Variants in INTS5 observed in about 807,000 individuals in gnomAD.
INTS5 encodes KIAA1698.
INTS5 carries 29 observed loss-of-function variants against 60.0 expected under a neutral mutation model. The observed-to-expected ratio is 0.48, with a 90% CI of 0.36 to 0.66. INTS5 has a LOEUF of 0.66. Ranked by LOEUF, INTS5 falls within the 30% of genes least tolerant of loss-of-function variation. The pLI is 0.00. For missense variants in INTS5, 1,129 were observed against 1,307.9 expected (o/e 0.86, Z 2.11); for synonymous variants, 588 against 558.8 (o/e 1.05, Z -0.74).
rs757998978 is a variant in INTS5 at position 62,647,611 on chromosome 11, A to C, written c.2469T>G (p.Asp823Glu). 1 of 1,614,004 alleles carries C rather than the reference A, an allele frequency of 6.2e-7. No individual in the cohort carries two copies. The highest frequency in any genetic ancestry group is 1.1e-5 in the South Asian group (1 of 91,090). ...GCCAGGCCAGCTCTGCACCAGCTGC[A>C]TCGGGACACACACTCTCCACCAAGG... ...AVTLVESVCPDAAGAELAWPP... is the reference protein window; with the variant it reads ...AVTLVESVCPEAAGAELAWPP... Residue 823 changes from aspartate (D) to glutamate (E), a missense_variant, in exon 2 of 2, where the codon GAT becomes GAG. Asp to Glu is a conservative substitution (Grantham distance 45). Around this residue, in one of 3 missense-constraint regions of INTS5, gnomAD observed 1,070 missense variants for 1,246.1 expected, o/e 0.86. Transcript: ENST00000330574.
Position 62,647,662 on chromosome 11 carries a change from TGGACTCAAGATG to T in INTS5, c.2406_2417del (p.Ile803_Pro806del). 6.2e-7 allele frequency: 1 copy of T among 1,614,106 alleles called. No homozygotes were observed. The highest frequency in any genetic ancestry group is 8.5e-7 in the Non-Finnish European group (1 of 1,180,040). ...TCACTGCCACTGCTTTGGCTGCCTC[TGGACTCAAGATG>T]GGTGCCCCCCAGCATTCCCCACATT... On this transcript the variant is annotated inframe_deletion, in exon 2 of 2. Coordinates refer to ENST00000330574, the MANE Select transcript of INTS5 (RefSeq NM_030628.2).
rs770293599 is a variant in INTS5, at chr11:62,649,889, C to T, written c.191G>A (p.Arg64His). The change falls in exon 2 of 2, where the codon CGT (arginine) becomes CAT (histidine). Residue 64 changes from arginine to histidine, a missense_variant. By Grantham distance (29) the Arg-to-His change is conservative (BLOSUM62 0). Transcript: ENST00000330574. The surrounding 1 kb of genome is among the most constrained non-coding windows in gnomAD (Gnocchi z 6.0). ...AGCAGCCCGAGCAGGTGGCAAAGAA[C>T]GGAGCAGGAGAAGACCACAGCGAGC... ...EHARCGLLLLRSLPPARAAVL... is the reference protein window; with the variant it reads ...EHARCGLLLLHSLPPARAAVL... 3.7e-6 allele frequency: 6 copies of T among 1,614,046 alleles called. No individual in the cohort carries two copies. Among genetic ancestry groups the T allele is most frequent in the South Asian group, 1.1e-5 (1 of 91,088 alleles).
chr11:62,646,885 A>G lies in INTS5; in HGVS notation c.*135T>C. On this transcript the variant is annotated 3_prime_UTR_variant, in exon 2 of 2. Coordinates refer to ENST00000330574, the MANE Select transcript of INTS5 (RefSeq NM_030628.2). ...GTTGGCAAATTTTATTTAGAAAAAA[A>G]AAAGTGGGAGAGAAAAAAGTGACAG... is the stretch of plus-strand genomic sequence containing the variant. 2 of 842,318 alleles carry G rather than the reference A, an allele frequency of 2.4e-6. No homozygotes were observed. The highest frequency in any genetic ancestry group is 3.6e-5 in the South Asian group (2 of 55,104). The allele number at this position is 842,318 out of a possible 1,614,324, so 52.2% of individuals were successfully genotyped here. A position where few individuals can be genotyped will look rare whatever the true frequency, so the allele number is the denominator to read the frequency against.
Position 62,647,821 on chromosome 11 carries a change from G to T in INTS5, c.2259C>A (p.Val753=). The change falls in exon 2 of 2, where the codon GTC becomes GTA. Residue 753 remains valine (V), a synonymous_variant. Coordinates refer to ENST00000330574, the MANE Select transcript of INTS5 (RefSeq NM_030628.2). ...TGGGTGGCTTTAAGCCACGGCCGAT[G>T]ACTCCAGCATGGAAAACTGACCAAA... ...GGIWSVFHAG[V]IGRGLKPPKF... The T allele has an allele frequency of 6.2e-7, 1 of 1,614,214 alleles. No individual in the cohort carries two copies. Among genetic ancestry groups the T allele is most frequent in the South Asian group, 1.1e-5 (1 of 91,068 alleles).
chr11:62,647,357 C>A lies in INTS5; in HGVS notation c.2723G>T (p.Cys908Phe), dbSNP rs769588322. ...CTCAGCCATGACAGCCACTAAGGTG[C>A]AGGATGCCTCCAGGTGCCAGGGGGA... is the stretch of plus-strand genomic sequence containing the variant. Reference protein sequence around the residue: ...THSPWHLEASCTLVAVMAEGS... With the variant: ...THSPWHLEASFTLVAVMAEGS... Residue 908 changes from cysteine (C) to phenylalanine (F), a missense_variant, in exon 2 of 2, where the codon TGC (cysteine) becomes TTC (phenylalanine). By Grantham distance (205) the Cys-to-Phe change is radical (BLOSUM62 -2). This residue lies in a region of INTS5 where 1,070 missense variants were observed against 1,246.1 expected (regional missense o/e 0.86). Transcript: ENST00000330574. 3 of 1,613,742 alleles carry A rather than the reference C, an allele frequency of 1.9e-6. No homozygotes were observed. Among genetic ancestry groups the A allele is most frequent in the Non-Finnish European group, 2.5e-6 (3 of 1,179,954 alleles).
rs770249327 is a variant in INTS5, at chr11:62,648,013, C to T, written c.2067G>A (p.Leu689=). ...QTSPAGLKAV[L]QLLVEGALHR... is the part of the protein sequence containing the mutation. ...GTAAGGCTCCTTCAACCAGCAGCTG[C>T]AGGACAGCCTTGAGCCCAGCTGGGG... The change falls in exon 2 of 2, where the codon CTG becomes CTA. Residue 689 remains leucine (L), a synonymous_variant. Transcript: ENST00000330574. This position sits in a 1 kb window ranked among gnomAD's most constrained non-coding sequence, Gnocchi z 4.4. 1.1e-5 allele frequency: 17 copies of T among 1,614,054 alleles called. No homozygotes were observed. The highest frequency in any genetic ancestry group is 8.0e-5 in the African/African-American group (6 of 74,930).
At position 62,647,655 on chromosome 11, in the gene INTS5, C is replaced by G; in HGVS notation, c.2425G>C (p.Ala809Pro). The G allele has an allele frequency of 6.2e-7, 1 of 1,614,130 alleles. No individual in the cohort carries two copies. Among genetic ancestry groups the G allele is most frequent in the Non-Finnish European group, 8.5e-7 (1 of 1,180,050 alleles). The change falls in exon 2 of 2, where the codon GCC becomes CCC. Residue 809 changes from alanine (A) to proline (P), a missense_variant. Coordinates refer to ENST00000330574, the MANE Select transcript of INTS5 (RefSeq NM_030628.2). ...WGAPILSPEA[A>P]KAVAVTLVES... The stretch of plus-strand genomic sequence containing the variant: ...ACCAAGGTCACTGCCACTGCTTTGG[C>G]TGCCTCTGGACTCAAGATGGGTGCC...
chr11:62,647,104 G>A lies in INTS5; in HGVS notation c.2976C>T (p.Leu992=). 6.2e-7 allele frequency: 1 copy of A among 1,614,160 alleles called. No homozygotes were observed. The highest frequency in any genetic ancestry group is 8.5e-7 in the Non-Finnish European group (1 of 1,180,020). Residue 992 remains leucine, a synonymous_variant, in exon 2 of 2, where the codon CTC becomes CTT. Coordinates refer to ENST00000330574, the MANE Select transcript of INTS5 (RefSeq NM_030628.2). ...GPHLAVLHSV[L]HRNIDRLGLF... is the part of the protein sequence containing the mutation. ...GACCTAGGCGGTCGATGTTGCGGTG[G>A]AGGACACTGTGCAGCACAGCCAGAT... is the stretch of plus-strand genomic sequence containing the variant.
chr11:62,648,403 A>G lies in INTS5; in HGVS notation c.1677T>C (p.Ala559=), dbSNP rs1944562414. The G allele has an allele frequency of 1.2e-6, 2 of 1,614,066 alleles. No individual in the cohort carries two copies. Among genetic ancestry groups the G allele is most frequent in the African/African-American group, 1.3e-5 (1 of 74,936 alleles). The change falls in exon 2 of 2, where the codon GCT becomes GCC. Residue 559 remains alanine (A), a synonymous_variant. Coordinates refer to ENST00000330574, the MANE Select transcript of INTS5 (RefSeq NM_030628.2). This position sits in a 1 kb window ranked among gnomAD's most constrained non-coding sequence, Gnocchi z 4.4. ...LLPLAFRSCL[A]RVHAGTLQPP... is the part of the protein sequence containing the mutation. The stretch of plus-strand genomic sequence containing the variant: ...GCTGTAATGTCCCTGCATGCACCCG[A>G]GCCAGACAGCTTCGGAAAGCCAGGG...
At position 62,649,463 on chromosome 11, in the gene INTS5, T is replaced by A. The variant is rs750629885; in HGVS notation, c.617A>T (p.Asp206Val). 6.2e-7 allele frequency: 1 copy of A among 1,614,172 alleles called. No individual in the cohort carries two copies. The highest frequency in any genetic ancestry group is 8.5e-7 in the Non-Finnish European group (1 of 1,180,032). Reference sequence around the variant, plus strand: ...ATCCAGCAAGGCATCCACACACGCATCTGGGCAGCTACCAATGAGAGCCGA... The same window carrying A: ...ATCCAGCAAGGCATCCACACACGCAACTGGGCAGCTACCAATGAGAGCCGA... ...CLSALIGSCP[D>V]ACVDALLDTS... is the part of the protein sequence containing the mutation. Residue 206 changes from aspartate (D) to valine (V), a missense_variant, in exon 2 of 2, where the codon GAT becomes GTT. Physicochemically the swap from Asp to Val is radical, Grantham distance 152. Transcript: ENST00000330574. This position sits in a 1 kb window ranked among gnomAD's most constrained non-coding sequence, Gnocchi z 6.0.
Position 62,648,901 on chromosome 11 carries a change from G to A in INTS5, c.1179C>T (p.His393=), listed in dbSNP as rs887138568. 6.2e-7 allele frequency: 1 copy of A among 1,613,676 alleles called. No homozygotes were observed. Among genetic ancestry groups the A allele is most frequent in the Middle Eastern group, 1.6e-4 (1 of 6,062 alleles). The change falls in exon 2 of 2, where the codon CAC becomes CAT. Residue 393 remains histidine, a synonymous_variant. Transcript: ENST00000330574. This position sits in a 1 kb window ranked among gnomAD's most constrained non-coding sequence, Gnocchi z 4.4. ...CTGCCCCAGAGGCCTGGCTCACCAG[G>A]TGCACAGCCAGGTTCAACATGTTGT... is the stretch of plus-strand genomic sequence containing the variant. ...ELDNMLNLAV[H]LVSQASGAGA...
Position 62,648,677 on chromosome 11 carries a change from G to C in INTS5, c.1403C>G (p.Pro468Arg). Reference sequence around the variant, plus strand: ...CGCATCTAAAAAGGGCACCAAGCGGGGAGGTGGGGGCGGGCCTAGCACCCC... The same window carrying C: ...CGCATCTAAAAAGGGCACCAAGCGGCGAGGTGGGGGCGGGCCTAGCACCCC... ...GEGVLGPPPP[P>R]RLVPFLDALK... The change falls in exon 2 of 2, where the codon CCC becomes CGC. Residue 468 changes from proline to arginine, a missense_variant. This residue lies in a region of INTS5 where 1,070 missense variants were observed against 1,246.1 expected (regional missense o/e 0.86). Transcript: ENST00000330574. This position sits in a 1 kb window ranked among gnomAD's most constrained non-coding sequence, Gnocchi z 4.4. 1.9e-6 allele frequency: 3 copies of C among 1,614,098 alleles called. No homozygotes were observed. The highest frequency in any genetic ancestry group is 2.5e-6 in the Non-Finnish European group (3 of 1,179,984).
chr11:62,648,174 A>T lies in INTS5; in HGVS notation c.1906T>A (p.Ser636Thr). 1 of 1,613,336 alleles carries T rather than the reference A, an allele frequency of 6.2e-7. No individual in the cohort carries two copies. Among genetic ancestry groups the T allele is most frequent in the Non-Finnish European group, 8.5e-7 (1 of 1,179,570 alleles). The change falls in exon 2 of 2, where the codon TCT becomes ACT. Residue 636 changes from serine to threonine, a missense_variant. Physicochemically the swap from Ser to Thr is moderately conservative, Grantham distance 58. Transcript: ENST00000330574. The surrounding 1 kb of genome is among the most constrained non-coding windows in gnomAD (Gnocchi z 4.4). ...ASLLAICPFP[S>T]EALSPSQLLG... The stretch of plus-strand genomic sequence containing the variant: ...AGCTGGGAGGGGGATAAGGCTTCAG[A>T]AGGAAAGGGACAAATGGCCAGGAGA...
At chr11:62,652,165 C>CAAA (rs559845253) in intron 1 of INTS5, among the ~76,000 whole-genome samples, 55 of 131,024 alleles carry the variant, frequency 4.2e-4, no homozygotes, top group African/African-American at 1.1e-3. Context: ...ATTAAAAATA[C>CAAA]AAAAAAAAAA....
Position 62,649,459 on chromosome 11 carries a change from C to A in INTS5, c.621G>T (p.Ala207=), listed in dbSNP as rs201440451. The change falls in exon 2 of 2, where the codon GCG becomes GCT. Residue 207 remains alanine (A), a synonymous_variant. Transcript: ENST00000330574. This position sits in a 1 kb window ranked among gnomAD's most constrained non-coding sequence, Gnocchi z 6.0. ...AGGTATCCAGCAAGGCATCCACACA[C>A]GCATCTGGGCAGCTACCAATGAGAG... ...LSALIGSCPD[A]CVDALLDTSV... is the part of the protein sequence containing the mutation. The A allele has an allele frequency of 6.2e-7, 1 of 1,614,212 alleles. No homozygotes were observed. Among genetic ancestry groups the A allele is most frequent in the Non-Finnish European group, 8.5e-7 (1 of 1,180,032 alleles).
At position 62,649,368 on chromosome 11, in the gene INTS5, T is replaced by A; in HGVS notation, c.712A>T (p.Ile238Phe). 1.9e-6 allele frequency: 3 copies of A among 1,614,094 alleles called. No individual in the cohort carries two copies. Among genetic ancestry groups the A allele is most frequent in the Non-Finnish European group, 2.5e-6 (3 of 1,180,018 alleles). The change falls in exon 2 of 2, where the codon ATC becomes TTC. Residue 238 changes from isoleucine to phenylalanine, a missense_variant. Ile to Phe is a conservative substitution (Grantham distance 21). This residue lies in a region of INTS5 where 1,070 missense variants were observed against 1,246.1 expected (regional missense o/e 0.86). Coordinates refer to ENST00000330574, the MANE Select transcript of INTS5 (RefSeq NM_030628.2). The surrounding 1 kb of genome is among the most constrained non-coding windows in gnomAD (Gnocchi z 6.0). The part of the protein sequence containing the change: ...AHIGSSFPGT[I>F]ISRVLSCGLK... Reference sequence around the variant, plus strand: ...CCACAGGAGAGAACCCGGGAAATGATGGTGCCAGGAAAAGAGGAGCCAATA... The same window carrying A: ...CCACAGGAGAGAACCCGGGAAATGAAGGTGCCAGGAAAAGAGGAGCCAATA...
Position 62,649,105 on chromosome 11 carries a change from A to G in INTS5, c.975T>C (p.Ser325=). 1.9e-6 allele frequency: 3 copies of G among 1,611,012 alleles called. No homozygotes were observed. The highest frequency in any genetic ancestry group is 2.5e-6 in the Non-Finnish European group (3 of 1,177,576). The stretch of plus-strand genomic sequence containing the variant: ...GGGAGGGGTCCCCACTGCGGCCTCC[A>G]GATCCCCCTGCCAGGCTATCATGGA... The part of the protein sequence containing the change: ...RMFHDSLAGG[S]GGRSGDPSLQ... Residue 325 remains serine, a synonymous_variant, in exon 2 of 2, where the codon TCT becomes TCC. Transcript: ENST00000330574. This position sits in a 1 kb window ranked among gnomAD's most constrained non-coding sequence, Gnocchi z 6.0.
chr11:62,647,284 G>T lies in INTS5; in HGVS notation c.2796C>A (p.Ser932Arg). 6.2e-7 allele frequency: 1 copy of T among 1,614,234 alleles called. No individual in the cohort carries two copies. Among genetic ancestry groups the T allele is most frequent in the Non-Finnish European group, 8.5e-7 (1 of 1,180,054 alleles). ...PALGNMHEVFSQLAPFEVRLL... is the reference protein window; with the variant it reads ...PALGNMHEVFRQLAPFEVRLL... ...GACGCACCTCGAAAGGTGCCAGTTGGCTAAATACTTCATGCATATTACCCA... is the reference window on the plus strand; with the variant it reads ...GACGCACCTCGAAAGGTGCCAGTTGTCTAAATACTTCATGCATATTACCCA... Residue 932 changes from serine (S) to arginine (R), a missense_variant, in exon 2 of 2, where the codon AGC becomes AGA. Coordinates refer to ENST00000330574, the MANE Select transcript of INTS5 (RefSeq NM_030628.2).
chr11:62,647,693 C>A lies in INTS5; in HGVS notation c.2387G>T (p.Gly796Val). ...CAAGATGGGTGCCCCCCAGCATTCC[C>A]CACATTCAGTGCCCCCTGGGGCACT... ...CCSAPGGTECGECWGAPILSP... is the reference protein window; with the variant it reads ...CCSAPGGTECVECWGAPILSP... Residue 796 changes from glycine (G) to valine (V), a missense_variant, in exon 2 of 2, where the codon GGG becomes GTG. This residue lies in a region of INTS5 where 1,070 missense variants were observed against 1,246.1 expected (regional missense o/e 0.86). Coordinates refer to ENST00000330574, the MANE Select transcript of INTS5 (RefSeq NM_030628.2). 6.2e-7 allele frequency: 1 copy of A among 1,614,170 alleles called. No homozygotes were observed. The highest frequency in any genetic ancestry group is 1.3e-5 in the African/African-American group (1 of 75,068).
Sources: allele counts gnomAD v4.1 joint callset (sites outside exome capture counted in the v4.1 genomes callset), GRCh38; gene constraint gnomAD v4.1.1; regional missense constraint gnomAD v4.1.1; non-coding constraint Gnocchi (gnomAD v3.1); transcripts MANE v1.5; gene names NCBI Gene and HGNC (gene_info 2026-07-23, HGNC 2026-07-21).